KIDINS220: variants seen among roughly 807,000 people sequenced by gnomAD.
KIDINS220 encodes the protein kinase D interacting substrate 220, also known as kinase D-interacting substrate of 220 kDa.
A neutral mutation model predicts 157.6 loss-of-function variants in KIDINS220; 63 were observed. The ratio of observed to expected loss-of-function variants is 0.40; its 90% CI spans 0.33 to 0.49. KIDINS220 has a LOEUF of 0.49. KIDINS220 is among the 20% of genes least tolerant of loss of function. KIDINS220 has a pLI of 0.66. For synonymous variants in KIDINS220, 732 were observed against 783.6 expected (o/e 0.93, Z 1.10); for missense variants, 1,772 against 2,171.2 (o/e 0.82, Z 3.65).
intron 16 of KIDINS220, 79 bp downstream of exon 16, chr2:8,786,127 T>C: frequency 6.3e-7 from 1 of 1,580,504 alleles, no homozygotes; most frequent in Non-Finnish European, 8.6e-7. Flanking sequence ...ATGTTCAAGG[T>C]GTGTTTTCAT....
At chr2:8,762,665 G>C (rs1668913573) in intron 22 of KIDINS220, among the ~76,000 whole-genome samples, 1 of 152,158 alleles carries the variant, frequency 6.6e-6, no homozygotes, top group South Asian at 2.1e-4. Flanking sequence ...CGTGAACCCA[G>C]GAGGCGGAGC....
intron 20 of KIDINS220, among the ~76,000 whole-genome samples, chr2:8,777,692 G>T (rs1210394718): frequency 6.6e-6 from 1 of 152,130 alleles, no homozygotes; most frequent in Non-Finnish European, 1.5e-5. Context: ...CACTCTTCAG[G>T]GTGGGTGGGC....
At chr2:8,827,157 T>C (rs959490499) in intron 1 of KIDINS220, 28 bp from the exon 2 acceptor site, 4 of 836,452 alleles carry the variant, frequency 4.8e-6, no homozygotes, top group African/African-American at 3.5e-5. Context: ...ATACACATAA[T>C]TTATAATTAG....
At position 8,765,864 on chromosome 2, in the gene KIDINS220, C is replaced by T. The variant is rs1293824036; in HGVS notation, c.3011+4806G>A. On this transcript the variant is annotated intron_variant, in intron 22 of 29. Coordinates refer to ENST00000256707, the MANE Select transcript of KIDINS220 (RefSeq NM_020738.4). ...GATTACAGGCGTACTCCACCATGCC[C>T]GACTCTATTAATCATTTCATCTTTA... is the stretch of plus-strand genomic sequence containing the variant. Among the ~76,000 whole-genome samples the T allele has an allele frequency of 3.9e-5, 6 of 152,028 alleles. No individual in the cohort carries two copies. In the East Asian group the frequency reaches 5.8e-4, roughly 15 times the overall value.
rs1671381303 is a variant in KIDINS220 at position 8,779,280 on chromosome 2, A to G, written c.2371-141T>C. Reference sequence around the variant, plus strand: ...TTTTCATCAAAACTTACTCTGCACAAAAGCAAATTTTACTGACAGCTCAAT... The same window carrying G: ...TTTTCATCAAAACTTACTCTGCACAGAAGCAAATTTTACTGACAGCTCAAT... On this transcript the variant is annotated intron_variant, in intron 18 of 29. Transcript: ENST00000256707. 21 of 1,110,264 alleles carry G rather than the reference A, an allele frequency of 1.9e-5. No individual in the cohort carries two copies. The South Asian group carries it at 3.2e-4, about 17-fold the overall frequency. 68.8% of individuals were successfully genotyped at this position (1,110,264 alleles called of 1,614,324 possible).
intron 17 of KIDINS220, among the ~76,000 whole-genome samples, chr2:8,784,036 TCAAA>T (rs1185525122): frequency 1.3e-5 from 2 of 152,070 alleles, no homozygotes; most frequent in African/African-American, 4.8e-5. Flanking sequence ...GCTAGAGTAA[TCAAA>T]CAGTGTGGTA....
rs1239788066 is a variant in KIDINS220, at chr2:8,730,032, C to CA, written c.*687dup. The CA allele has an allele frequency of 3.0e-6, 3 of 985,442 alleles. No homozygotes were observed. In the African/African-American group the frequency reaches 5.2e-5, roughly 17 times the overall value. The allele number at this position is 985,442 out of a possible 1,614,324, so 61.0% of individuals were successfully genotyped here. ...GGGATTTGGAGAGAAGAGTTTCCGA[C>CA]ATATAAACCCACGGAGGTCACCAGC... On this transcript the variant is annotated 3_prime_UTR_variant, in exon 30 of 30. Coordinates refer to ENST00000256707, the MANE Select transcript of KIDINS220 (RefSeq NM_020738.4).
intron 22 of KIDINS220, among the ~76,000 whole-genome samples, chr2:8,752,209 C>T (rs1273310129): frequency 2.0e-5 from 3 of 152,026 alleles, no homozygotes; most frequent in South Asian, 2.1e-4. Flanking sequence ...TCTATACAGA[C>T]GAGATTTCGC....
At chr2:8,763,084 T>C (rs1245738208) in intron 22 of KIDINS220, among the ~76,000 whole-genome samples, 3 of 152,228 alleles carry the variant, frequency 2.0e-5, no homozygotes, top group Non-Finnish European at 4.4e-5. Flanking sequence ...TAAATACTCA[T>C]AGATATATCA....
intron 1 of KIDINS220, among the ~76,000 whole-genome samples, chr2:8,833,893 C>T (rs1680012039): frequency 6.6e-6 from 1 of 152,156 alleles, no homozygotes; most frequent in African/African-American, 2.4e-5. Context: ...AATGCTTTCA[C>T]CAAAAGGCCA....
intron 10 of KIDINS220, among the ~76,000 whole-genome samples, 187 bp downstream of exon 10, chr2:8,798,015 A>T (rs1304988529): frequency 6.6e-6 from 1 of 152,248 alleles, no homozygotes; most frequent in Non-Finnish European, 1.5e-5. Context: ...TTGAAGTAAC[A>T]ACACACTGTA....
At chr2:8,775,683 G>A (rs1226822894) in intron 21 of KIDINS220, among the ~76,000 whole-genome samples, 2 of 152,148 alleles carry the variant, frequency 1.3e-5, no homozygotes, top group African/African-American at 4.8e-5. Flanking sequence ...TGAGACACAG[G>A]GACAGACAAG....
rs1285274159 is a variant in KIDINS220 at position 8,730,820 on chromosome 2, C to T, written c.5216G>A (p.Arg1739His). The T allele has an allele frequency of 8.1e-6, 13 of 1,614,080 alleles. No homozygotes were observed. Among genetic ancestry groups the T allele is most frequent in the African/African-American group, 6.7e-5 (5 of 74,926 alleles). Reference sequence around the variant, plus strand: ...TTTGGAGAGCCTTGTGTAACTTGAACGTTGGCTTCGCTTATGTGTCATGCT... The same window carrying T: ...TTTGGAGAGCCTTGTGTAACTTGAATGTTGGCTTCGCTTATGTGTCATGCT... ...LKSMTHKRSQ[R>H]SSYTRLSKDP... Residue 1739 changes from arginine (R) to histidine (H), a missense_variant, in exon 30 of 30, where the codon CGT (arginine) becomes CAT (histidine). Arg to His is a conservative substitution (Grantham distance 29). Coordinates refer to ENST00000256707, the MANE Select transcript of KIDINS220 (RefSeq NM_020738.4).
chr2:8,728,563 T>G (rs564687927), downstream of KIDINS220, among the ~76,000 whole-genome samples: 1 of 152,340 alleles, frequency 6.6e-6, no homozygotes, highest in Admixed American at 6.5e-5. Flanking sequence ...GGTTTGTCAA[T>G]TTCGGTATCA....
chr2:8,752,483 G>A (rs1435375013), intron 22 of KIDINS220, among the ~76,000 whole-genome samples: 2 of 152,054 alleles, frequency 1.3e-5, no homozygotes, highest in African/African-American at 4.8e-5. Flanking sequence ...TCATATGCTC[G>A]GGGTCACCTA....
At chr2:8,759,375 A>G (rs925992430) in intron 22 of KIDINS220, among the ~76,000 whole-genome samples, 1 of 151,912 alleles carries the variant, frequency 6.6e-6, no homozygotes, top group African/African-American at 2.4e-5. Flanking sequence ...TCGACATTAA[A>G]CAAAAACTAT....
chr2:8,775,979 C>T (rs1489994769), intron 21 of KIDINS220, among the ~76,000 whole-genome samples: 5 of 152,206 alleles, frequency 3.3e-5, no homozygotes, highest in Admixed American at 2.6e-4. Flanking sequence ...ACTCGCTACA[C>T]ATTTGATAAA....
intron 27 of KIDINS220, 74 bp from the exon 28 acceptor site, chr2:8,734,827 G>T: frequency 9.3e-7 from 1 of 1,075,180 alleles, no homozygotes. Flanking sequence ...TGATTGCCAA[G>T]TATGCTTATA....
chr2:8,778,977 T>C lies in KIDINS220; in HGVS notation c.2533A>G (p.Asn845Asp). ...RNIVHLPVFL[N>D]SRGLSNARKF... ...CTTGCATTGCTTAGTCCACGACTAT[T>C]AAGGAACACAGGCAAGTGGACTATG... Residue 845 changes from asparagine (N) to aspartate (D), a missense_variant, in exon 19 of 30, where the codon AAT becomes GAT. By Grantham distance (23) the Asn-to-Asp change is conservative. This residue lies in a region of KIDINS220 where 725 missense variants were observed against 1,017.1 expected (regional missense o/e 0.71). Coordinates refer to ENST00000256707, the MANE Select transcript of KIDINS220 (RefSeq NM_020738.4). 2 of 1,614,152 alleles carry C rather than the reference T, an allele frequency of 1.2e-6. No homozygotes were observed. Among genetic ancestry groups the C allele is most frequent in the African/African-American group, 1.3e-5 (1 of 75,050 alleles).
Sources: gnomAD v4.1 joint callset for allele counts (sites outside exome capture counted in the v4.1 genomes callset) on GRCh38, gnomAD v4.1.1 for gene constraint, gnomAD v4.1.1 regional missense constraint, MANE v1.5 for transcripts, NCBI Gene and HGNC (gene_info 2026-07-23, HGNC 2026-07-21) for gene names.